ITGAV: variants seen among roughly 807,000 people sequenced by gnomAD.
ITGAV encodes the protein integrin alpha-V.
Under a neutral mutation model 143.8 loss-of-function variants are expected in ITGAV, and 76 were observed. The observed-to-expected ratio is 0.53, with a 90% CI of 0.44 to 0.64. ITGAV has a LOEUF of 0.64. Among genes scored for constraint, ITGAV ranks in the 30% least tolerant of loss-of-function variants. The pLI is 0.00. For missense variants in ITGAV, 1,193 were observed against 1,274.7 expected (o/e 0.94, Z 0.98); for synonymous variants, 453 against 446.7 (o/e 1.01, Z -0.18).
intron 21 of ITGAV, 22 bp downstream of exon 21, chr2:186,665,240 G>T (rs1449565741): frequency 6.9e-7 from 1 of 1,459,102 alleles, no homozygotes; most frequent in Admixed American, 1.7e-5. Flanking sequence ...TAATTAAACG[G>T]ATTTTTCTCC....
intron 18 of ITGAV, among the ~76,000 whole-genome samples, 161 bp from the exon 19 acceptor site, chr2:186,663,607 A>G (rs1236949124): frequency 1.3e-5 from 2 of 152,146 alleles, no homozygotes; most frequent in East Asian, 3.8e-4. Flanking sequence ...ATAAGTGGCC[A>G]TGGTCTCTTT....
intron 15 of ITGAV, among the ~76,000 whole-genome samples, chr2:186,652,758 A>G (rs1688471303): frequency 2.6e-5 from 4 of 152,166 alleles, no homozygotes; most frequent in Admixed American, 2.6e-4. Flanking sequence ...TGTATGAAAA[A>G]AATTATTTTG....
At chr2:186,593,564 G>C (rs1390406273) in intron 1 of ITGAV, among the ~76,000 whole-genome samples, 4 of 151,768 alleles carry the variant, frequency 2.6e-5, no homozygotes, top group Admixed American at 2.0e-4. Context: ...TTCTTGTGGA[G>C]ACTAATTGGA....
intron 16 of ITGAV, among the ~76,000 whole-genome samples, chr2:186,655,597 C>T (rs139855105): frequency 1.7e-4 from 26 of 152,256 alleles, no homozygotes; most frequent in Admixed American, 3.3e-4. Flanking sequence ...GAGAAACTTG[C>T]GACGCGAATT....
At position 186,636,072 on chromosome 2, in the gene ITGAV, C is replaced by A; in HGVS notation, c.632-10C>A. 1 of 1,609,028 alleles carries A rather than the reference C, an allele frequency of 6.2e-7. No individual in the cohort carries two copies. Among genetic ancestry groups the A allele is most frequent in the Non-Finnish European group, 8.5e-7 (1 of 1,177,722 alleles). ...AAGGTTATTTATTTTATATATACAC[C>A]CTTTTTTAGGTCAGCTTATTTCGGA... On this transcript the variant is annotated splice_polypyrimidine_tract_variant and intron_variant, in intron 6 of 29. Coordinates refer to ENST00000261023, the MANE Select transcript of ITGAV (RefSeq NM_002210.5).
chr2:186,636,249 C>T, intron 7 of ITGAV, 42 bp downstream of exon 7: 2 of 1,524,142 alleles, frequency 1.3e-6, no homozygotes, highest in Non-Finnish European at 1.8e-6. Context: ...AACTGTGGTA[C>T]ATATATCTTA....
chr2:186,613,775 TAACA>T (rs992244306), intron 2 of ITGAV, among the ~76,000 whole-genome samples: 9 of 152,126 alleles, frequency 5.9e-5, no homozygotes, highest in African/African-American at 2.2e-4. Flanking sequence ...TTAAATCAAT[TAACA>T]AACTGTATTT....
At position 186,641,381 on chromosome 2, in the gene ITGAV, T is replaced by A. The variant is rs1318783193; in HGVS notation, c.957-5T>A. 6.2e-7 allele frequency: 1 copy of A among 1,612,280 alleles called. No individual in the cohort carries two copies. The highest frequency in any genetic ancestry group is 8.5e-7 in the Non-Finnish European group (1 of 1,178,550). ...TGCTTTGGTGAGAAGTTTCTGTTCTTCTAGTTATGCAGATGTGTTTATTGG... is the reference window on the plus strand; with the variant it reads ...TGCTTTGGTGAGAAGTTTCTGTTCTACTAGTTATGCAGATGTGTTTATTGG... On this transcript the variant is annotated splice_polypyrimidine_tract_variant and splice_region_variant and intron_variant, in intron 11 of 29. Coordinates refer to ENST00000261023, the MANE Select transcript of ITGAV (RefSeq NM_002210.5).
chr2:186,635,792 AT>A (rs1228091546), intron 6 of ITGAV, among the ~76,000 whole-genome samples: 11 of 152,170 alleles, frequency 7.2e-5, no homozygotes, highest in African/African-American at 2.4e-4. Context: ...ATAGCCTTTG[AT>A]TTTATTATTC....
intron 2 of ITGAV, 74 bp from the exon 3 acceptor site, chr2:186,622,265 C>T (rs1687548860): frequency 2.0e-6 from 2 of 1,008,444 alleles, no homozygotes; most frequent in Admixed American, 1.9e-5. Context: ...CTCAACCTAG[C>T]TGGGGATAAA....
chr2:186,627,182 AAGG>A (rs1430743546), intron 4 of ITGAV, among the ~76,000 whole-genome samples: 2 of 152,160 alleles, frequency 1.3e-5, no homozygotes, highest in African/African-American at 4.8e-5. Flanking sequence ...GAGTAAGCAA[AAGG>A]AGCAAGCCAC....
chr2:186,618,587 A>G (rs1001681177), intron 2 of ITGAV, among the ~76,000 whole-genome samples: 6 of 152,232 alleles, frequency 3.9e-5, no homozygotes, highest in Admixed American at 3.9e-4. Context: ...ATGTTGTGCC[A>G]CCGTATACAA....
intron 5 of ITGAV, among the ~76,000 whole-genome samples, chr2:186,631,958 G>C (rs2105698760): frequency 6.6e-6 from 1 of 152,276 alleles, no homozygotes; most frequent in South Asian, 2.1e-4. Flanking sequence ...ACTGCAGTGA[G>C]TGAGGCTGCA....
intron 2 of ITGAV, among the ~76,000 whole-genome samples, chr2:186,619,193 T>A (rs1340515395): frequency 6.6e-6 from 1 of 151,242 alleles, no homozygotes; most frequent in Non-Finnish European, 1.5e-5. Flanking sequence ...ACTGGAAAAA[T>A]GTGGTGTGTG....
At position 186,649,269 on chromosome 2, in the gene ITGAV, AT is replaced by A. The variant is rs915496476; in HGVS notation, c.1352-561del. 5.2e-4 allele frequency among the ~76,000 whole-genome samples: 75 copies of A among 144,612 alleles called. 2 individuals are homozygous for A. In the East Asian group the frequency reaches 7.9e-3, roughly 15 times the overall value. The allele number at this position is 144,612 out of a possible 152,430, so 94.9% of individuals were successfully genotyped here. A position where few individuals can be genotyped will look rare whatever the true frequency, so the allele number is the denominator to read the frequency against. On this transcript the variant is annotated intron_variant, in intron 13 of 29. Transcript: ENST00000261023. ...CTTTTATGTTATTTAATCTGTTTTT[AT>A]TTTTTTTTTCATGTGATTTTCTGTT... is the stretch of plus-strand genomic sequence containing the variant.
chr2:186,676,773 A>G (rs1441345832), intron 28 of ITGAV, 40 bp from the exon 29 acceptor site: 7 of 1,597,140 alleles, frequency 4.4e-6, no homozygotes, highest in Middle Eastern at 1.7e-4. Context: ...GATTAAGTCA[A>G]TGGACTGTTT....
intron 2 of ITGAV, among the ~76,000 whole-genome samples, chr2:186,620,942 A>G (rs1281993201): frequency 6.6e-6 from 1 of 152,172 alleles, no homozygotes; most frequent in East Asian, 1.9e-4. Context: ...CTTAATATCA[A>G]TTTTACATAT....
intron 4 of ITGAV, among the ~76,000 whole-genome samples, chr2:186,629,922 T>A (rs1452576832): frequency 6.6e-6 from 1 of 152,110 alleles, no homozygotes; most frequent in Admixed American, 6.6e-5. Flanking sequence ...AAAATTAATT[T>A]AAATTAATTG....
At chr2:186,594,983 G>C (rs1559035684) in intron 1 of ITGAV, among the ~76,000 whole-genome samples, 1 of 152,118 alleles carries the variant, frequency 6.6e-6, no homozygotes, top group Non-Finnish European at 1.5e-5. Flanking sequence ...GAAAGACAAG[G>C]GAAAATATGT....
Sources: allele counts gnomAD v4.1 joint callset (sites outside exome capture counted in the v4.1 genomes callset), GRCh38; gene constraint gnomAD v4.1.1; transcripts MANE v1.5; gene names NCBI Gene and HGNC (gene_info 2026-07-23, HGNC 2026-07-21).